The following CNGA3 variants were observed in gnomAD, a reference collection of about 807,000 sequenced individuals.
The protein encoded by CNGA3 is cyclic nucleotide-gated channel alpha-3.
CNGA3 carries 42 observed loss-of-function variants against 46.6 expected under a neutral mutation model. That is an observed-to-expected ratio of 0.90 (90% CI 0.70 to 1.17). The LOEUF is 1.17. Ranked by LOEUF, CNGA3 falls within the 50% of genes most tolerant of loss-of-function variation. The pLI, the probability that CNGA3 is intolerant of heterozygous loss-of-function variation, is 0.00. For synonymous variants in CNGA3, 394 were observed against 369.4 expected, an observed-to-expected ratio of 1.07 and a Z score of -0.76; for missense variants, 893 against 890.7, an observed-to-expected ratio of 1.00 and a Z score of -0.03.
chr2:98,395,301 C>T (rs1161784715), intron 7 of CNGA3, among the ~76,000 whole-genome samples: 1 of 152,008 alleles, frequency 6.6e-6, no homozygotes, highest in Non-Finnish European at 1.5e-5. Context: ...TCCTGAGTAG[C>T]TGGGATTACA....
intron 2 of CNGA3, among the ~76,000 whole-genome samples, chr2:98,377,079 G>A (rs1692420725): frequency 6.6e-6 from 1 of 152,208 alleles, no homozygotes; most frequent in Non-Finnish European, 1.5e-5. Context: ...AGTCTCATTT[G>A]AAAGCACTGT....
At chr2:98,371,261 A>G (rs908198224) in intron 2 of CNGA3, among the ~76,000 whole-genome samples, 1 of 152,156 alleles carries the variant, frequency 6.6e-6, no homozygotes, top group East Asian at 1.9e-4. Context: ...ACACTGTCTG[A>G]TGGCCCCAAA....
chr2:98,393,674 T>G (rs1692843133), intron 7 of CNGA3, among the ~76,000 whole-genome samples: 1 of 152,136 alleles, frequency 6.6e-6, no homozygotes, highest in Non-Finnish European at 1.5e-5. Context: ...TCAGCCCAGC[T>G]TCAGTGGGAT....
intron 3 of CNGA3, 43 bp from the exon 4 acceptor site, chr2:98,380,132 G>A (rs190157410): frequency 6.2e-6 from 10 of 1,609,300 alleles, no homozygotes; most frequent in South Asian, 4.4e-5. Flanking sequence ...GGTGTGGGGG[G>A]CTTTTCCTCT....
chr2:98,389,749 TATAAC>T lies in CNGA3; in HGVS notation c.542_546del (p.Tyr181LeufsTer12). 1.2e-6 allele frequency: 2 copies of T among 1,613,292 alleles called. No individual in the cohort carries two copies. Among genetic ancestry groups the T allele is most frequent in the Non-Finnish European group, 1.7e-6 (2 of 1,180,006 alleles). The stretch of plus-strand genomic sequence containing the variant: ...GACCGCCATCGCCCTGCCTGTCTTC[TATAAC>T]TGGTATCTGCTTATTTGCAGGTAAG... On this transcript the variant is annotated frameshift_variant, in exon 6 of 8. Coordinates refer to ENST00000272602, the MANE Select transcript of CNGA3 (RefSeq NM_001298.3). LOFTEE classifies it high-confidence loss of function.
chr2:98,371,985 C>T (rs979046851), intron 2 of CNGA3, among the ~76,000 whole-genome samples: 1 of 152,174 alleles, frequency 6.6e-6, no homozygotes, highest in Admixed American at 6.5e-5. Context: ...CTCTTTGCAC[C>T]CAACTTGCCT....
chr2:98,366,582 G>C (rs1320489196), intron 1 of CNGA3, among the ~76,000 whole-genome samples: 6 of 152,180 alleles, frequency 3.9e-5, no homozygotes, highest in Admixed American at 6.5e-5. Context: ...GCCCCTGGCT[G>C]GGGTTGCTGA....
Position 98,380,273 on chromosome 2 carries a change from C to T in CNGA3, c.314C>T (p.Ala105Val), listed in dbSNP as rs764229193. The T allele has an allele frequency of 1.1e-5, 18 of 1,614,024 alleles. No individual in the cohort carries two copies. Among genetic ancestry groups the T allele is most frequent in the Admixed American group, 1.7e-5 (1 of 60,002 alleles). Reference protein sequence around the residue: ...PDSFPDRFRGAELKEVSSQES... With the variant: ...PDSFPDRFRGVELKEVSSQES... ...TCTTTTCCTGATCGTTTCCGTGGAG[C>T]CGAGCTTAAGGAGGTGTCCAGCCAA... The change falls in exon 4 of 8, where the codon GCC (alanine) becomes GTC (valine). Residue 105 changes from alanine to valine, a missense_variant. Coordinates refer to ENST00000272602, the MANE Select transcript of CNGA3 (RefSeq NM_001298.3).
rs751611132 is a variant in CNGA3 at position 98,367,167 on chromosome 2, G to GTTTATTTTCTTTTTT, written c.-37-2769_-37-2768insATTTTCTTTTTTTTT. Among the ~76,000 whole-genome samples, 47 of 101,600 alleles carry GTTTATTTTCTTTTTT rather than the reference G, an allele frequency of 4.6e-4. 2 individuals carry two copies. Among genetic ancestry groups the GTTTATTTTCTTTTTT allele is most frequent in the African/African-American group, 1.3e-3 (39 of 29,924 alleles). The allele number at this position is 101,600 out of a possible 152,430, so 66.7% of individuals were successfully genotyped here. A position where few individuals can be genotyped will look rare whatever the true frequency, so the allele number is the denominator to read the frequency against. ...TTGGTGAGAACCTCTGACATCAGCT[G>GTTTATTTTCTTTTTT]TTTTTTTTCTTTTTTTTCTTTTTTT... On this transcript the variant is annotated intron_variant, in intron 1 of 7. Transcript: ENST00000272602.
chr2:98,360,522 G>A (rs1243145454), intron 1 of CNGA3, among the ~76,000 whole-genome samples: 1 of 152,234 alleles, frequency 6.6e-6, no homozygotes, highest in African/African-American at 2.4e-5. Context: ...GTCAGCTCCT[G>A]GAGGACAGAG....
chr2:98,365,064 G>A (rs1692116129), intron 1 of CNGA3, among the ~76,000 whole-genome samples: 1 of 151,136 alleles, frequency 6.6e-6, no homozygotes, highest in African/African-American at 2.4e-5. Flanking sequence ...TTCAGTTGGG[G>A]TCCTGCTCTG....
chr2:98,360,598 A>G (rs374185582), intron 1 of CNGA3, among the ~76,000 whole-genome samples: 59 of 152,368 alleles, frequency 3.9e-4, no homozygotes, highest in African/African-American at 1.3e-3. Context: ...TAAGTGCTCA[A>G]TTAAAAAGTG....
In CNGA3 at chr2:98,383,389, G is replaced by C. The variant is rs769185929; in HGVS notation, c.397G>C (p.Ala133Pro). 6.2e-7 allele frequency: 1 copy of C among 1,614,006 alleles called. No homozygotes were observed. Among genetic ancestry groups the C allele is most frequent in the Admixed American group, 1.7e-5 (1 of 60,018 alleles). ...SQEPADRGRS[A>P]WPLAKCNTNT... ...GATGTTCTCTCTACCTTCCCGCAGC[G>C]CCTGGCCCCTGGCCAAATGCAACAC... The change falls in exon 5 of 8, where the codon GCC (alanine) becomes CCC (proline). Residue 133 changes from alanine to proline, a missense_variant and splice_region_variant. Ala to Pro is a conservative substitution (Grantham distance 27). This residue lies in a region of CNGA3 where 333 missense variants were observed against 290.8 expected (regional missense o/e 1.15). Coordinates refer to ENST00000272602, the MANE Select transcript of CNGA3 (RefSeq NM_001298.3).
chr2:98,391,791 C>T lies in CNGA3; in HGVS notation c.567-73C>T, dbSNP rs2271040. The T allele has an allele frequency of 1.2e-3, 1,747 of 1,423,802 alleles. 38 individuals carry two copies. The East Asian group carries it at 0.036, about 29-fold the overall frequency. 88.2% of individuals were successfully genotyped at this position (1,423,802 alleles called of 1,614,324 possible). ...GATCCAGCGTCTTCCACACAGAGCC[C>T]GTGCCCACAGGTGGGTGGTCCACGC... is the stretch of plus-strand genomic sequence containing the variant. On this transcript the variant is annotated intron_variant, in intron 6 of 7. Transcript: ENST00000272602.
intron 5 of CNGA3, among the ~76,000 whole-genome samples, chr2:98,384,375 G>A (rs898052649): frequency 1.3e-5 from 2 of 152,176 alleles, no homozygotes; most frequent in African/African-American, 4.8e-5. Context: ...AGGAGGGGAA[G>A]TCTTAGTTGG....
rs1692435628 is a variant in CNGA3, at chr2:98,377,610, C to G, written c.102-77C>G. 2.3e-5 allele frequency: 32 copies of G among 1,371,344 alleles called. No individual in the cohort carries two copies. The South Asian group carries it at 4.0e-4, about 17-fold the overall frequency. 84.9% of individuals were successfully genotyped at this position (1,371,344 alleles called of 1,614,324 possible). On this transcript the variant is annotated intron_variant, in intron 2 of 7. Coordinates refer to ENST00000272602, the MANE Select transcript of CNGA3 (RefSeq NM_001298.3). ...TTTCCCTGCTAAGCAGAACATCTGA[C>G]TGTCTCACTCCTGGCTGTGTCCAGG... is the stretch of plus-strand genomic sequence containing the variant.
intron 1 of CNGA3, among the ~76,000 whole-genome samples, chr2:98,353,990 G>A (rs766507962): frequency 3.2e-4 from 48 of 152,112 alleles, no homozygotes; most frequent in Admixed American, 8.5e-4. Context: ...ACCACTATGA[G>A]CCAATTACTC....
At chr2:98,352,534 T>C (rs1225061060) in intron 1 of CNGA3, among the ~76,000 whole-genome samples, 2 of 152,158 alleles carry the variant, frequency 1.3e-5, no homozygotes, top group African/African-American at 4.8e-5. Context: ...CCACATCACA[T>C]TGTGGAAAAT....
At chr2:98,381,643 C>T (rs189854604) in intron 4 of CNGA3, among the ~76,000 whole-genome samples, 78 of 152,184 alleles carry the variant, frequency 5.1e-4, no homozygotes, top group African/African-American at 1.9e-3. Flanking sequence ...TTAGGAGACC[C>T]GGGGAAAGGT....
Sources: gnomAD v4.1 joint callset for allele counts (sites outside exome capture counted in the v4.1 genomes callset) on GRCh38, gnomAD v4.1.1 for gene constraint, gnomAD v4.1.1 regional missense constraint, MANE v1.5 for transcripts, NCBI Gene and HGNC (gene_info 2026-07-23, HGNC 2026-07-21) for gene names.